The following TBC1D5 variants were observed in gnomAD, a reference collection of about 807,000 sequenced individuals.
The protein encoded by TBC1D5 is TBC1 domain family, member 5.
In TBC1D5, 75 loss-of-function variants were observed where a neutral mutation model predicts 100.3. The ratio of observed to expected loss-of-function variants is 0.75; its 90% CI spans 0.62 to 0.91. TBC1D5 has a LOEUF of 0.91. Among genes scored for constraint, TBC1D5 ranks in the 40% least tolerant of loss-of-function variants. TBC1D5 has a pLI of 0.00. For missense variants in TBC1D5, 910 were observed against 942.4 expected, an observed-to-expected ratio of 0.97 and a Z score of 0.45; for synonymous variants, 323 against 325.6, an observed-to-expected ratio of 0.99 and a Z score of 0.09.
intron 15 of TBC1D5, among the ~76,000 whole-genome samples, chr3:17,268,731 A>G (rs2079074265): frequency 6.6e-6 from 1 of 152,130 alleles, no homozygotes. Context: ...AATTTCAGTA[A>G]GGGCTTAATG....
At chr3:17,296,727 A>C (rs2082292404) in intron 14 of TBC1D5, among the ~76,000 whole-genome samples, 1 of 152,206 alleles carries the variant, frequency 6.6e-6, no homozygotes. Context: ...CTCTTTGAGC[A>C]CCATTCAATC....
At chr3:17,208,562 T>C (rs2072542465) in intron 18 of TBC1D5, among the ~76,000 whole-genome samples, 1 of 152,256 alleles carries the variant, frequency 6.6e-6, no homozygotes, top group Admixed American at 6.5e-5. Context: ...AGCTTATTTA[T>C]CTTAAAAATT....
At chr3:17,559,933 T>C (rs1576704169) in intron 2 of TBC1D5, among the ~76,000 whole-genome samples, 1 of 152,246 alleles carries the variant, frequency 6.6e-6, no homozygotes, top group Non-Finnish European at 1.5e-5. Context: ...TATTAGATAA[T>C]CAAATTGAAA....
intron 13 of TBC1D5, among the ~76,000 whole-genome samples, chr3:17,325,054 T>C (rs181935588): frequency 1.3e-5 from 2 of 150,890 alleles, no homozygotes; most frequent in East Asian, 3.9e-4. Flanking sequence ...TTTTGCTGTT[T>C]CTTATAAAGT....
chr3:17,510,126 G>GC (rs1390050734), intron 2 of TBC1D5, among the ~76,000 whole-genome samples: 1 of 151,908 alleles, frequency 6.6e-6, no homozygotes. Context: ...AGTGGTAAAA[G>GC]CAAGTCCAAA....
chr3:17,268,156 G>A (rs956516384), intron 15 of TBC1D5, among the ~76,000 whole-genome samples: 1 of 151,746 alleles, frequency 6.6e-6, no homozygotes, highest in Non-Finnish European at 1.5e-5. Context: ...TCTTATTCTA[G>A]ACTCCATGTG....
At chr3:17,201,277 A>T (rs1273597486) in intron 18 of TBC1D5, among the ~76,000 whole-genome samples, 1 of 152,160 alleles carries the variant, frequency 6.6e-6, no homozygotes, top group Non-Finnish European at 1.5e-5. Flanking sequence ...CTCTAGGCAA[A>T]TATGAACCCC....
intron 4 of TBC1D5, among the ~76,000 whole-genome samples, chr3:17,409,816 T>C (rs1315899671): frequency 6.6e-6 from 1 of 152,034 alleles, no homozygotes; most frequent in African/African-American, 2.4e-5. Flanking sequence ...CAAAGAAAAG[T>C]TGGAAGGTAG....
Position 17,253,771 on chromosome 3 carries a change from CATA to C in TBC1D5, c.1331+4732_1331+4734del, listed in dbSNP as rs1215668069. ...TCTCTGACTAGCGTTTTTTGTTCAG[CATA>C]ATGTTTATGAGATGCATGTATGTTA... On this transcript the variant is annotated intron_variant, in intron 16 of 21. Coordinates refer to ENST00000253692, the Ensembl canonical transcript of TBC1D5. Among the ~76,000 whole-genome samples, 5 of 152,198 alleles carry C rather than the reference CATA, an allele frequency of 3.3e-5. No individual in the cohort carries two copies. The South Asian group carries it at 1.0e-3, about 31-fold the overall frequency.
At chr3:17,545,780 T>G (rs149811578) in intron 2 of TBC1D5, among the ~76,000 whole-genome samples, 1 of 152,214 alleles carries the variant, frequency 6.6e-6, no homozygotes, top group African/African-American at 2.4e-5. Context: ...TCACTCATTA[T>G]TTGCTTCCTA....
chr3:17,706,180 C>A (rs902087514), intron 1 of TBC1D5: 4 of 1,561,424 alleles, frequency 2.6e-6, no homozygotes, highest in Non-Finnish European at 2.6e-6. Flanking sequence ...GGCAGCCGCT[C>A]GAAGGGCCTC....
At chr3:17,587,883 T>G (rs554804770) in intron 2 of TBC1D5, among the ~76,000 whole-genome samples, 2 of 152,012 alleles carry the variant, frequency 1.3e-5, no homozygotes, top group African/African-American at 4.8e-5. Context: ...CCATTTTTAT[T>G]CTCTTTGGAT....
Position 17,550,929 on chromosome 3 carries a change from C to T in TBC1D5, c.-35-42324G>A, listed in dbSNP as rs886844681. On this transcript the variant is annotated intron_variant, in intron 2 of 21. Transcript: ENST00000253692. ...ACATGAAACTAAAACCAAAAAAAAT[C>T]CCAGTTCTCTTCCTCTTCCATCTAT... 1.1e-4 allele frequency among the ~76,000 whole-genome samples: 17 copies of T among 152,068 alleles called. 1 individual carries two copies. The highest frequency in any genetic ancestry group is 4.1e-4 in the African/African-American group (17 of 41,490).
chr3:17,480,225 G>C (rs1229648025), intron 3 of TBC1D5, among the ~76,000 whole-genome samples: 1 of 148,722 alleles, frequency 6.7e-6, no homozygotes, highest in Non-Finnish European at 1.5e-5. Context: ...GGGTGGCTCA[G>C]CATGTGCCTG....
At chr3:17,709,855 C>G (rs182452023) in intron 1 of TBC1D5, among the ~76,000 whole-genome samples, 1 of 152,164 alleles carries the variant, frequency 6.6e-6, no homozygotes, top group Admixed American at 6.5e-5. Flanking sequence ...TTAGAGCTAT[C>G]AACAACATGC....
chr3:17,594,878 T>C (rs541605961), intron 2 of TBC1D5, among the ~76,000 whole-genome samples: 10 of 152,218 alleles, frequency 6.6e-5, no homozygotes, highest in Admixed American at 1.3e-4. Flanking sequence ...TCAACTTGAT[T>C]AAAATGAAGG....
At chr3:17,401,263 T>C (rs557448845) in intron 8 of TBC1D5, among the ~76,000 whole-genome samples, 26 of 148,292 alleles carry the variant, frequency 1.8e-4, no homozygotes, top group Non-Finnish European at 2.5e-4. Flanking sequence ...TATACATATA[T>C]ATGTATGTGT....
chr3:17,309,577 A>G (rs1358083907), intron 13 of TBC1D5, among the ~76,000 whole-genome samples: 1 of 152,032 alleles, frequency 6.6e-6, no homozygotes, highest in Admixed American at 6.6e-5. Flanking sequence ...CTATTAATAA[A>G]ATGAGGGGTG....
chr3:17,403,599 A>T (rs1255166003), intron 7 of TBC1D5, among the ~76,000 whole-genome samples: 1 of 152,128 alleles, frequency 6.6e-6, no homozygotes, highest in African/African-American at 2.4e-5. Flanking sequence ...ACAGCACAGT[A>T]TAACAACTTT....
Sources: gnomAD v4.1 joint callset for allele counts (sites outside exome capture counted in the v4.1 genomes callset) on GRCh38, gnomAD v4.1.1 for gene constraint, MANE v1.5 for transcripts, NCBI Gene and HGNC (gene_info 2026-07-23, HGNC 2026-07-21) for gene names.